The following ILDR1 variants were observed in gnomAD, a reference collection of about 807,000 sequenced individuals.
The protein encoded by ILDR1 is immunoglobulin-like domain-containing receptor 1.
A neutral mutation model predicts 62.4 loss-of-function variants in ILDR1; 56 were observed. The ratio of observed to expected loss-of-function variants is 0.90; its 90% CI spans 0.72 to 1.12. The LOEUF (loss-of-function observed/expected upper bound fraction) is 1.12. Among genes scored for constraint, ILDR1 ranks in the 50% most tolerant of loss-of-function variants. ILDR1 has a pLI of 0.00. For missense variants in ILDR1, 736 were observed against 710.6 expected, an observed-to-expected ratio of 1.04 and a Z score of -0.41; for synonymous variants, 284 against 277.8, an observed-to-expected ratio of 1.02 and a Z score of -0.22.
chr3:122,020,437 C>T (rs1423266267), intron 1 of ILDR1, among the ~76,000 whole-genome samples: 1 of 152,168 alleles, frequency 6.6e-6, no homozygotes, highest in Non-Finnish European at 1.5e-5. Flanking sequence ...AAACTATCTG[C>T]TAAAATAGCT....
intron 1 of ILDR1, among the ~76,000 whole-genome samples, chr3:122,014,767 A>AT (rs1005531400): frequency 7.2e-5 from 11 of 151,866 alleles, no homozygotes; most frequent in South Asian, 4.2e-4. Flanking sequence ...CAATCTTTAA[A>AT]TTTTTTTTTG....
chr3:121,998,521 T>A (rs548393601), intron 5 of ILDR1, among the ~76,000 whole-genome samples: 10 of 152,314 alleles, frequency 6.6e-5, no homozygotes, highest in African/African-American at 2.2e-4. Flanking sequence ...ACTAGTTTTT[T>A]AAAATGAACC....
At chr3:122,021,203 C>T (rs534993562) in intron 1 of ILDR1, among the ~76,000 whole-genome samples, 2 of 152,186 alleles carry the variant, frequency 1.3e-5, no homozygotes, top group Admixed American at 6.5e-5. Flanking sequence ...GGTGGAGCTT[C>T]CAAGGGAACT....
chr3:122,003,625 G>A (rs117938241), intron 3 of ILDR1, among the ~76,000 whole-genome samples: 142 of 152,258 alleles, frequency 9.3e-4, no homozygotes, highest in Admixed American at 6.9e-3. Context: ...AAAAGTGTCA[G>A]AAAACAAGGG....
the ILDR1 span, among the ~76,000 whole-genome samples, chr3:122,042,957 T>C: frequency 6.6e-6 from 1 of 150,496 alleles, no homozygotes; most frequent in South Asian, 2.1e-4. Flanking sequence ...TTGTTGCCAT[T>C]GCTTTTGGTG....
intron 7 of ILDR1, among the ~76,000 whole-genome samples, chr3:121,991,250 G>A (rs2071341242): frequency 6.6e-6 from 1 of 152,102 alleles, no homozygotes; most frequent in Admixed American, 6.5e-5. Flanking sequence ...CTTATCCAGT[G>A]TCTGGAATGT....
intron 1 of ILDR1, among the ~76,000 whole-genome samples, chr3:122,018,333 T>C (rs1275279669): frequency 1.4e-5 from 2 of 138,344 alleles, no homozygotes. Flanking sequence ...TAAGTGGGAG[T>C]TGAATAATGA....
the ILDR1 span, among the ~76,000 whole-genome samples, chr3:122,051,587 A>G: frequency 3.3e-5 from 5 of 152,128 alleles, no homozygotes; most frequent in African/African-American, 1.2e-4. Context: ...TTTTTGTCAG[A>G]TAATTCATAT....
chr3:121,996,117 A>G (rs936318936), intron 5 of ILDR1, among the ~76,000 whole-genome samples: 1 of 152,128 alleles, frequency 6.6e-6, no homozygotes, highest in Non-Finnish European at 1.5e-5. Flanking sequence ...AAGGAGAACA[A>G]CCCTACCCAC....
the ILDR1 span, among the ~76,000 whole-genome samples, chr3:122,058,617 A>T: frequency 6.6e-6 from 1 of 152,138 alleles, no homozygotes; most frequent in Non-Finnish European, 1.5e-5. Flanking sequence ...AAGATGCCTA[A>T]TGGGGAGTAA....
upstream of ILDR1, among the ~76,000 whole-genome samples, chr3:122,022,448 C>T (rs1393809285): frequency 6.6e-6 from 1 of 152,194 alleles, no homozygotes; most frequent in African/African-American, 2.4e-5. Flanking sequence ...GAAATCTCAT[C>T]CCCTGCAAAT....
chr3:122,020,121 A>G (rs2071834656), intron 1 of ILDR1, among the ~76,000 whole-genome samples: 1 of 152,262 alleles, frequency 6.6e-6, no homozygotes, highest in African/African-American at 2.4e-5. Context: ...AAGGAGGAAT[A>G]GAGAAACTTG....
At chr3:122,031,627 G>A in the ILDR1 span, among the ~76,000 whole-genome samples, 4 of 152,146 alleles carry the variant, frequency 2.6e-5, no homozygotes, top group Non-Finnish European at 4.4e-5. Flanking sequence ...GCCCTTATAA[G>A]AGAGACCCCC....
the ILDR1 span, among the ~76,000 whole-genome samples, chr3:122,043,927 G>T: frequency 3.3e-4 from 17 of 51,894 alleles, no homozygotes; most frequent in South Asian, 8.2e-4. Flanking sequence ...CTGCCTGATT[G>T]CCCTGGCCAG....
intron 7 of ILDR1, 56 bp from the exon 8 acceptor site, chr3:121,988,464 T>C (rs1211258855): frequency 7.3e-7 from 1 of 1,369,382 alleles, no homozygotes; most frequent in African/African-American, 1.4e-5. Context: ...AATCCGTCTA[T>C]GCATGTAACA....
intron 1 of ILDR1, among the ~76,000 whole-genome samples, chr3:122,014,319 T>A (rs2071747468): frequency 6.6e-6 from 1 of 152,204 alleles, no homozygotes; most frequent in Non-Finnish European, 1.5e-5. Flanking sequence ...TTGGTCTACA[T>A]CCCTTCACAT....
chr3:122,018,394 T>TG (rs535294009), intron 1 of ILDR1, among the ~76,000 whole-genome samples: 3,867 of 51,620 alleles, frequency 0.075, 89 homozygotes, highest in East Asian at 0.15. Flanking sequence ...CCTGTTGGGG[T>TG]GGGGGGGGGG....
At chr3:122,030,040 G>T in the ILDR1 span, among the ~76,000 whole-genome samples, 1 of 152,118 alleles carries the variant, frequency 6.6e-6, no homozygotes, top group South Asian at 2.1e-4. Context: ...TATCTTTAAG[G>T]GTGACCTCTC....
chr3:122,060,886 G>C, the ILDR1 span, among the ~76,000 whole-genome samples: 3 of 151,900 alleles, frequency 2.0e-5, no homozygotes, highest in African/African-American at 7.3e-5. Flanking sequence ...AAGCCCAAGA[G>C]GAATTTCAGG....
Sources: gnomAD v4.1 joint callset for allele counts (sites outside exome capture counted in the v4.1 genomes callset) on GRCh38, gnomAD v4.1.1 for gene constraint, MANE v1.5 for transcripts, NCBI Gene and HGNC (gene_info 2026-07-23, HGNC 2026-07-21) for gene names.